Variants in ELK3 observed in about 807,000 individuals in gnomAD.
ELK3 encodes ETS transcription factor ELK3, also known as ETS domain-containing protein Elk-3.
A neutral mutation model predicts 28.9 loss-of-function variants in ELK3; 10 were observed. The observed-to-expected ratio is 0.35, with a 90% confidence interval of 0.21 to 0.59. The LOEUF is 0.59. Among genes scored for constraint, ELK3 ranks in the 20% least tolerant of loss-of-function variants. ELK3 has a pLI of 0.82. For synonymous variants in ELK3, 272 were observed against 243.5 expected, an observed-to-expected ratio of 1.12 and a Z score of -1.09; for missense variants, 463 against 517.3, an observed-to-expected ratio of 0.90 and a Z score of 1.02.
intron 2 of ELK3, among the ~76,000 whole-genome samples, chr12:96,239,220 C>T (rs1951803627): frequency 6.6e-6 from 1 of 152,072 alleles, no homozygotes; most frequent in Admixed American, 6.5e-5. Flanking sequence ...TTTTCTACCT[C>T]CTTTTATTTA....
intron 1 of ELK3, among the ~76,000 whole-genome samples, chr12:96,199,552 G>C (rs935668349): frequency 6.6e-6 from 1 of 150,822 alleles, no homozygotes. Context: ...AAAAATGGTA[G>C]ATTACTCAGT....
intron 2 of ELK3, among the ~76,000 whole-genome samples, chr12:96,242,629 C>T (rs1375186711): frequency 6.6e-6 from 1 of 152,148 alleles, no homozygotes; most frequent in East Asian, 1.9e-4. Flanking sequence ...GGACACACGT[C>T]CTCTGAGCCC....
intron 1 of ELK3, among the ~76,000 whole-genome samples, chr12:96,219,384 G>C (rs1463866758): frequency 6.6e-6 from 1 of 152,120 alleles, no homozygotes; most frequent in African/African-American, 2.4e-5. Context: ...GCGGTTATTG[G>C]AAGGGCGTAC....
At chr12:96,245,083 C>T (rs1032261522) in intron 2 of ELK3, among the ~76,000 whole-genome samples, 4 of 152,196 alleles carry the variant, frequency 2.6e-5, no homozygotes, top group East Asian at 1.9e-4. Flanking sequence ...GTGCCCTGGG[C>T]GTCGGCCTGT....
intron 3 of ELK3, among the ~76,000 whole-genome samples, chr12:96,252,890 A>G (rs1951919014): frequency 6.6e-6 from 1 of 152,266 alleles, no homozygotes; most frequent in African/African-American, 2.4e-5. Flanking sequence ...ATTGACTCCA[A>G]TTTTGAAAGA....
At chr12:96,203,818 G>A (rs1951522251) in intron 1 of ELK3, among the ~76,000 whole-genome samples, 1 of 152,184 alleles carries the variant, frequency 6.6e-6, no homozygotes. Flanking sequence ...GCGCATGCCT[G>A]TAATCCTAGC....
chr12:96,195,147 A>G (rs1411262905), intron 1 of ELK3, among the ~76,000 whole-genome samples: 1 of 152,058 alleles, frequency 6.6e-6, no homozygotes. Context: ...TGGAGGCTGG[A>G]CCACCGCCGA....
chr12:96,256,792 G>A (rs1413893186), intron 3 of ELK3, among the ~76,000 whole-genome samples: 1 of 152,206 alleles, frequency 6.6e-6, no homozygotes, highest in Non-Finnish European at 1.5e-5. Context: ...GGAGGAGGTG[G>A]CATTTTGATG....
chr12:96,265,687 ATAAAT>A (rs2137047113), intron 4 of ELK3, among the ~76,000 whole-genome samples: 1 of 152,348 alleles, frequency 6.6e-6, no homozygotes, highest in Admixed American at 6.5e-5. Context: ...TCTAAATAAA[ATAAAT>A]AAATAAATGA....
intron 1 of ELK3, among the ~76,000 whole-genome samples, chr12:96,202,815 C>T (rs577659541): frequency 2.1e-4 from 32 of 152,202 alleles, no homozygotes; most frequent in South Asian, 4.2e-4. Flanking sequence ...GTGTGAGCCA[C>T]CATGCCTGGC....
At chr12:96,210,474 A>G (rs775539148) in intron 1 of ELK3, among the ~76,000 whole-genome samples, 1 of 151,852 alleles carries the variant, frequency 6.6e-6, no homozygotes, top group Non-Finnish European at 1.5e-5. Flanking sequence ...TGTGAGGTGC[A>G]TGCATGTTTG....
intron 1 of ELK3, among the ~76,000 whole-genome samples, chr12:96,221,061 C>G (rs1042056212): frequency 2.0e-5 from 3 of 152,176 alleles, no homozygotes; most frequent in African/African-American, 7.2e-5. Flanking sequence ...CTGTCACTTT[C>G]CCGTGTCAGT....
chr12:96,253,094 C>A (rs986902317), intron 3 of ELK3, among the ~76,000 whole-genome samples: 9 of 152,152 alleles, frequency 5.9e-5, no homozygotes, highest in Admixed American at 5.9e-4. Context: ...AACCCCGTCT[C>A]TACTAAAAGT....
At chr12:96,213,217 T>C (rs768667907) in intron 1 of ELK3, among the ~76,000 whole-genome samples, 4 of 152,228 alleles carry the variant, frequency 2.6e-5, no homozygotes, top group Non-Finnish European at 4.4e-5. Flanking sequence ...TAAATTGCCT[T>C]GCTGCTTTGT....
rs964848817 is a variant in ELK3, at chr12:96,267,227, T to G, written c.*47T>G. ...GACTCATTAACTGATGAAACAAATTTGTCCCCACGGGCTAGTTTACCTGTG... is the reference window on the plus strand; with the variant it reads ...GACTCATTAACTGATGAAACAAATTGGTCCCCACGGGCTAGTTTACCTGTG... On this transcript the variant is annotated 3_prime_UTR_variant, in exon 5 of 5. Coordinates refer to ENST00000228741, the MANE Select transcript of ELK3 (RefSeq NM_005230.4). The G allele has an allele frequency of 6.5e-7, 1 of 1,545,108 alleles. No individual in the cohort carries two copies.
At position 96,226,897 on chromosome 12, in the gene ELK3, A is replaced by C. The variant is rs148320255; in HGVS notation, c.207+3124A>C. Among the ~76,000 whole-genome samples the C allele has an allele frequency of 2.1e-3, 322 of 152,336 alleles. 2 individuals are homozygous for C. The highest frequency in any genetic ancestry group is 7.4e-3 in the African/African-American group (309 of 41,550). ...AAGAGGGGATGGAGAAGGAGGAAGA[A>C]GAGGAGGCATGTCAAAAAGAGATGA... On this transcript the variant is annotated intron_variant, in intron 2 of 4. Transcript: ENST00000228741.
chr12:96,211,487 T>TTGTGTGTGTG (rs201554119), intron 1 of ELK3, among the ~76,000 whole-genome samples: 1 of 54,458 alleles, frequency 1.8e-5, no homozygotes, highest in Non-Finnish European at 4.9e-5. Flanking sequence ...CATTGTGTGT[T>TTGTGTGTGTG]TGTGTGTGTG....
intron 2 of ELK3, among the ~76,000 whole-genome samples, chr12:96,230,109 C>T (rs1015854568): frequency 6.6e-6 from 1 of 152,114 alleles, no homozygotes; most frequent in Non-Finnish European, 1.5e-5. Flanking sequence ...TTTTACTGTA[C>T]CTTTTGTACG....
intron 4 of ELK3, among the ~76,000 whole-genome samples, chr12:96,265,018 C>G (rs1050902977): frequency 2.7e-4 from 41 of 152,132 alleles, no homozygotes; most frequent in Non-Finnish European, 2.9e-5. Context: ...AGCCACCATT[C>G]TCACTGACTT....
Sources: gnomAD v4.1 joint callset for allele counts (sites outside exome capture counted in the v4.1 genomes callset) on GRCh38, gnomAD v4.1.1 for gene constraint, MANE v1.5 for transcripts, NCBI Gene and HGNC (gene_info 2026-07-23, HGNC 2026-07-21) for gene names.